The following SLC25A33 variants were observed in gnomAD, a reference collection of about 807,000 sequenced individuals.
SLC25A33 encodes solute carrier family 25 member 33, also known as bone marrow stromal cell mitochondrial carrier protein.
SLC25A33 carries 15 observed loss-of-function variants against 35.5 expected under a neutral mutation model. The observed-to-expected ratio is 0.42, with a 90% CI of 0.28 to 0.65. The LOEUF (loss-of-function observed/expected upper bound fraction) is 0.65. Ranked by LOEUF, SLC25A33 falls within the 30% of genes least tolerant of loss-of-function variation. The pLI is 0.20. For synonymous variants in SLC25A33, 136 were observed against 148.7 expected (o/e 0.91, Z 0.62); for missense variants, 257 against 398.5 (o/e 0.64, Z 3.02).
chr1:9,571,005 G>C (rs572793444), intron 4 of SLC25A33, among the ~76,000 whole-genome samples: 1 of 151,656 alleles, frequency 6.6e-6, no homozygotes, highest in Non-Finnish European at 1.5e-5. Context: ...GAGCCACTGC[G>C]CCCAGCCCCA....
At chr1:9,547,173 G>A (rs940211717) in intron 1 of SLC25A33, among the ~76,000 whole-genome samples, 1 of 152,130 alleles carries the variant, frequency 6.6e-6, no homozygotes, top group Non-Finnish European at 1.5e-5. Flanking sequence ...AGGGATCTTC[G>A]CCAGGCGCAG....
intron 3 of SLC25A33, among the ~76,000 whole-genome samples, chr1:9,569,232 G>A (rs144640643): frequency 2.0e-3 from 301 of 149,406 alleles, no homozygotes; most frequent in Non-Finnish European, 3.3e-3. Flanking sequence ...GTGACAGAGC[G>A]AGAACTCCAT....
chr1:9,545,797 A>C (rs1643157853), intron 1 of SLC25A33, among the ~76,000 whole-genome samples: 1 of 151,732 alleles, frequency 6.6e-6, no homozygotes, highest in Admixed American at 6.6e-5. Context: ...CATCTCTACT[A>C]AAAATACAAA....
At chr1:9,539,823 C>T (rs1643048902) in intron 1 of SLC25A33, 76 bp downstream of exon 1, 3 of 1,219,452 alleles carry the variant, frequency 2.5e-6, no homozygotes, top group Admixed American at 4.4e-5. Context: ...GCGGCCCCAG[C>T]CTCCCGCGGC....
chr1:9,559,451 T>G (rs905336587), intron 2 of SLC25A33, among the ~76,000 whole-genome samples: 1 of 152,110 alleles, frequency 6.6e-6, no homozygotes, highest in Admixed American at 6.6e-5. Flanking sequence ...TAATAAAAGC[T>G]GCTGTCATTA....
At chr1:9,571,565 C>T (rs1301268712) in intron 4 of SLC25A33, among the ~76,000 whole-genome samples, 2 of 152,096 alleles carry the variant, frequency 1.3e-5, no homozygotes, top group Non-Finnish European at 2.9e-5. Context: ...GCGTGAGCCA[C>T]CCCACCCGGC....
intron 1 of SLC25A33, among the ~76,000 whole-genome samples, chr1:9,540,301 C>T (rs1312537753): frequency 6.6e-6 from 1 of 152,140 alleles, no homozygotes; most frequent in African/African-American, 2.4e-5. Flanking sequence ...GGTGGCTAAG[C>T]CAGGGACCCG....
intron 1 of SLC25A33, among the ~76,000 whole-genome samples, chr1:9,541,078 T>C (rs1643071810): frequency 6.6e-6 from 1 of 152,038 alleles, no homozygotes; most frequent in Admixed American, 6.6e-5. Context: ...GCCTCCCGGA[T>C]TCAGGCGATT....
At chr1:9,574,189 G>C (rs1643630105) in intron 5 of SLC25A33, among the ~76,000 whole-genome samples, 1 of 149,282 alleles carries the variant, frequency 6.7e-6, no homozygotes, top group African/African-American at 2.5e-5. Context: ...CCAGGCTCAA[G>C]CAATCCTCCT....
intron 4 of SLC25A33, among the ~76,000 whole-genome samples, chr1:9,571,915 G>A (rs912110161): frequency 2.6e-5 from 4 of 152,060 alleles, no homozygotes; most frequent in Admixed American, 6.6e-5. Context: ...TGCTGGGATC[G>A]CAGGCATAAG....
At chr1:9,570,420 G>A in intron 4 of SLC25A33, 62 bp downstream of exon 4, 1 of 1,393,814 alleles carries the variant, frequency 7.2e-7, no homozygotes, top group Non-Finnish European at 1.0e-6. Flanking sequence ...CATGCATTGT[G>A]CCAGTTTTTC....
At chr1:9,553,266 A>C in intron 1 of SLC25A33, among the ~76,000 whole-genome samples, 1 of 110,152 alleles carries the variant, frequency 9.1e-6, no homozygotes. Flanking sequence ...TTGCTCTGTC[A>C]CTCAGGCTGG....
intron 2 of SLC25A33, among the ~76,000 whole-genome samples, chr1:9,565,020 A>G (rs74583703): frequency 0.025 from 3,766 of 152,172 alleles, 157 homozygotes; most frequent in African/African-American, 0.087. Flanking sequence ...ACAAAAAAAG[A>G]TGTGACGCCA....
intron 3 of SLC25A33, among the ~76,000 whole-genome samples, chr1:9,568,988 A>G (rs1291021478): frequency 6.7e-6 from 1 of 150,310 alleles, no homozygotes; most frequent in Non-Finnish European, 1.5e-5. Context: ...GCCCACACCT[A>G]TAATCCCTGC....
intron 1 of SLC25A33, among the ~76,000 whole-genome samples, chr1:9,552,952 C>G (rs933970235): frequency 3.4e-5 from 4 of 116,298 alleles, no homozygotes; most frequent in African/African-American, 1.3e-4. Flanking sequence ...GAGTCTTGCT[C>G]TGTTGCCCAG....
intron 3 of SLC25A33, among the ~76,000 whole-genome samples, chr1:9,568,669 G>T (rs1643544752): frequency 6.6e-6 from 1 of 151,532 alleles, no homozygotes; most frequent in South Asian, 2.1e-4. Context: ...GGCTAACGCG[G>T]TGAAACCCCG....
rs2100417793 is a variant in SLC25A33, at chr1:9,582,054, G to A, written c.764-245G>A. ...TCCTCATTCCTCAGCCACTCTAGTA[G>A]TAGGCGTGCACCACCTTGCCTGGCT... On this transcript the variant is annotated intron_variant, in intron 6 of 6. Coordinates refer to ENST00000302692, the MANE Select transcript of SLC25A33 (RefSeq NM_032315.3). This position sits in a 1 kb window ranked among gnomAD's most constrained non-coding sequence, Gnocchi z 4.0. 6.6e-6 allele frequency among the ~76,000 whole-genome samples: 1 copy of A among 152,198 alleles called. No individual in the cohort carries two copies. The highest frequency in any genetic ancestry group is 6.5e-5 in the Admixed American group (1 of 15,276).
Position 9,570,302 on chromosome 1 carries a change from A to G in SLC25A33, c.359A>G (p.Asn120Ser), listed in dbSNP as rs142598095. 3.7e-6 allele frequency: 6 copies of G among 1,614,132 alleles called. No individual in the cohort carries two copies. The highest frequency in any genetic ancestry group is 3.4e-6 in the Non-Finnish European group (4 of 1,180,022). ...ACYSKAKEQF[N>S]GIFVPNSNIV... ...TACTCCAAAGCCAAAGAGCAATTTAATGGCATTTTCGTGCCTAACAGCAAT... is the reference window on the plus strand; with the variant it reads ...TACTCCAAAGCCAAAGAGCAATTTAGTGGCATTTTCGTGCCTAACAGCAAT... The change falls in exon 4 of 7, where the codon AAT (asparagine) becomes AGT (serine). Residue 120 changes from asparagine to serine, a missense_variant. Asn to Ser is a conservative substitution (Grantham distance 46). Transcript: ENST00000302692.
rs148800638 is a variant in SLC25A33, at chr1:9,578,927, C to G, written c.483-1027C>G. Among the ~76,000 whole-genome samples, 366 of 152,364 alleles carry G rather than the reference C, an allele frequency of 2.4e-3. 3 individuals are homozygous for G. Among genetic ancestry groups the G allele is most frequent in the African/African-American group, 8.3e-3 (346 of 41,582 alleles). ...GCAGTTGTAGTTCCTCTGTGATGAG[C>G]CTTACTGCTCCCTGCAGCTCTTTCT... On this transcript the variant is annotated intron_variant, in intron 5 of 6. Coordinates refer to ENST00000302692, the MANE Select transcript of SLC25A33 (RefSeq NM_032315.3). The surrounding 1 kb of genome is among the most constrained non-coding windows in gnomAD (Gnocchi z 4.3).
Sources: gnomAD v4.1 joint callset for allele counts (sites outside exome capture counted in the v4.1 genomes callset) on GRCh38, gnomAD v4.1.1 for gene constraint, Gnocchi (gnomAD v3.1) non-coding constraint, MANE v1.5 for transcripts, NCBI Gene and HGNC (gene_info 2026-07-23, HGNC 2026-07-21) for gene names.